The following MUC5AC variants were observed in gnomAD, a reference collection of about 807,000 sequenced individuals.
The protein encoded by MUC5AC is mucin-5AC.
A neutral mutation model predicts 169.7 loss-of-function variants in MUC5AC; 158 were observed. The observed-to-expected ratio is 0.93, with a 90% CI of 0.82 to 1.06. The LOEUF (loss-of-function observed/expected upper bound fraction) is 1.06. Ranked by LOEUF, MUC5AC falls within the 50% of genes least tolerant of loss-of-function variation. MUC5AC has a pLI of 0.00. For synonymous variants in MUC5AC, 1,975 were observed against 1,237.0 expected (o/e 1.60, Z -12.52); for missense variants, 4,359 against 3,089.9 (o/e 1.41, Z -9.74).
At chr11:1,179,290 G>T in intron 26 of MUC5AC, 42 bp downstream of exon 26, 1 of 514,446 alleles carries the variant, frequency 1.9e-6, no homozygotes, top group Non-Finnish European at 3.5e-6. Flanking sequence ...GGAAGCGCCG[G>T]CAGCGTGTGC....
chr11:1,177,879 C>T (rs1444822601), intron 24 of MUC5AC, among the ~76,000 whole-genome samples: 1 of 152,190 alleles, frequency 6.6e-6, no homozygotes, highest in African/African-American at 2.4e-5. Context: ...GCAGCCTGGA[C>T]ACTGGAAGTC....
chr11:1,162,196 G>T lies in MUC5AC; in HGVS notation c.473+28G>T, dbSNP rs963413943. On this transcript the variant is annotated intron_variant, in intron 4 of 48. Coordinates refer to ENST00000621226, the MANE Select transcript of MUC5AC (RefSeq NM_001304359.2). ...GAGTCTGGGTTCTGGGATGGTGGGG[G>T]CCACGCGGCGTGTGGGGTGGCATTT... 3 of 1,599,942 alleles carry T rather than the reference G, an allele frequency of 1.9e-6. No homozygotes were observed. In the African/African-American group the frequency reaches 4.0e-5, roughly 21 times the overall value.
In MUC5AC at chr11:1,167,932, C is replaced by T. The variant is rs1335210491; in HGVS notation, c.1442C>T (p.Thr481Met). 1.6e-5 allele frequency: 25 copies of T among 1,550,652 alleles called. No homozygotes were observed. The highest frequency in any genetic ancestry group is 9.8e-5 in the Admixed American group (5 of 51,024). Reference sequence around the variant, plus strand: ...GCTGAGCTGCGCAGGTGCGGGCTGACGGACAGCGAGACCTGCCTGAAGAGC... The same window carrying T: ...GCTGAGCTGCGCAGGTGCGGGCTGATGGACAGCGAGACCTGCCTGAAGAGC... ...VLAELRRCGL[T>M]DSETCLKSVT... The change falls in exon 12 of 49, where the codon ACG (threonine) becomes ATG (methionine). Residue 481 changes from threonine to methionine, a missense_variant. By Grantham distance (81) the Thr-to-Met change is moderately conservative. Transcript: ENST00000621226.
rs1335681264 is a variant in MUC5AC, at chr11:1,172,301, G to C, written c.1871-128G>C. On this transcript the variant is annotated intron_variant, in intron 15 of 48. Transcript: ENST00000621226. Reference sequence around the variant, plus strand: ...CACCACCCAGGCTGAGTGTGTAGCAGGATGAAGGGCCCAACATCAGACTGC... The same window carrying C: ...CACCACCCAGGCTGAGTGTGTAGCACGATGAAGGGCCCAACATCAGACTGC... 7.5e-6 allele frequency: 3 copies of C among 397,914 alleles called. No individual in the cohort carries two copies. In the East Asian group the frequency reaches 1.1e-4, roughly 14 times the overall value. The allele number at this position is 397,914 out of a possible 1,614,324, so 24.6% of individuals were successfully genotyped here. A position where few individuals can be genotyped will look rare whatever the true frequency, so the allele number is the denominator to read the frequency against.
At chr11:1,164,027 G>A (rs1342294348) in intron 7 of MUC5AC, 36 bp downstream of exon 7, 2 of 1,608,956 alleles carry the variant, frequency 1.2e-6, no homozygotes, top group Admixed American at 1.7e-5. Context: ...CCAGCAGGTT[G>A]AGCAGGAGGG....
Position 1,186,421 on chromosome 11 carries a change from C to CCA in MUC5AC, c.8277_8278insAC (p.Ser2760ThrfsTer43). 1 of 702,398 alleles carries CCA rather than the reference C, an allele frequency of 1.4e-6. No individual in the cohort carries two copies. Among genetic ancestry groups the CCA allele is most frequent in the South Asian group, 1.5e-5 (1 of 67,448 alleles). 43.5% of individuals were successfully genotyped at this position (702,398 alleles called of 1,614,324 possible). A position where few individuals can be genotyped will look rare whatever the true frequency, so the allele number is the denominator to read the frequency against. On this transcript the variant is annotated frameshift_variant, in exon 31 of 49. Transcript: ENST00000621226. LOFTEE classifies it high-confidence loss of function. ...GCCCCTACAACCAGCACAATCTCTG[C>CCA]CTCTACCACCAGCACAACCTCTGCG...
rs766198221 is a variant in MUC5AC at position 1,191,991 on chromosome 11, A to G, written c.13846A>G (p.Lys4616Glu). 8 of 765,032 alleles carry G rather than the reference A, an allele frequency of 1.0e-5. No individual in the cohort carries two copies. The highest frequency in any genetic ancestry group is 6.7e-5 in the South Asian group (5 of 74,624). The allele number at this position is 765,032 out of a possible 1,614,324, so 47.4% of individuals were successfully genotyped here. A position where few individuals can be genotyped will look rare whatever the true frequency, so the allele number is the denominator to read the frequency against. ...CAGCACAAGCCATCTTTCTGTATCC[A>G]AGACAACCCACTCCCAACCAGTCAC... ...KTSTSHLSVS[K>E]TTHSQPVTSD... The change falls in exon 31 of 49, where the codon AAG becomes GAG. Residue 4616 changes from lysine to glutamate, a missense_variant. Physicochemically the swap from Lys to Glu is moderately conservative, Grantham distance 56. Transcript: ENST00000621226.
rs988825118 is a variant in MUC5AC at position 1,178,504 on chromosome 11, C to T, written c.3148C>T (p.Arg1050Trp). The T allele has an allele frequency of 2.6e-5, 31 of 1,177,854 alleles. No homozygotes were observed. The highest frequency in any genetic ancestry group is 1.6e-4 in the South Asian group (7 of 44,050). The allele number at this position is 1,177,854 out of a possible 1,614,324, so 73.0% of individuals were successfully genotyped here. The change falls in exon 25 of 49, where the codon CGG becomes TGG. Residue 1050 changes from arginine (R) to tryptophan (W), a missense_variant. By Grantham distance (101) the Arg-to-Trp change is moderately radical. Coordinates refer to ENST00000621226, the MANE Select transcript of MUC5AC (RefSeq NM_001304359.2). Reference protein sequence around the residue: ...DDIAVNDFATRSRSVVGDVLE... With the variant: ...DDIAVNDFATWSRSVVGDVLE... ...CATCGCCGTTAATGACTTTGCCACG[C>T]GGAGCCGGTCTGTGGTGGGGGACGT...
At chr11:1,175,172 G>A (rs1191547269) in intron 18 of MUC5AC, 35 bp downstream of exon 18, 11 of 398,404 alleles carry the variant, frequency 2.8e-5, no homozygotes, top group East Asian at 7.1e-5. Context: ...GGGGTCCCTC[G>A]TGTCTCCTGG....
In MUC5AC at chr11:1,196,665, G is replaced by A. The variant is rs966849436; in HGVS notation, c.15774G>A (p.Glu5258=). 1 of 762,602 alleles carries A rather than the reference G, an allele frequency of 1.3e-6. No homozygotes were observed. The highest frequency in any genetic ancestry group is 1.7e-5 in the African/African-American group (1 of 59,084). 47.2% of individuals were successfully genotyped at this position (762,602 alleles called of 1,614,324 possible). Residue 5258 remains glutamate, a synonymous_variant, in exon 39 of 49, where the codon GAG becomes GAA. Coordinates refer to ENST00000621226, the MANE Select transcript of MUC5AC (RefSeq NM_001304359.2). The part of the protein sequence containing the change: ...GPITEGCFCP[E]GMTLFSTSAQ... ...TCACCGAAGGCTGCTTCTGTCCGGA[G>A]GGCATGACCCTCTTCAGCACCAGTG...
At chr11:1,193,702 C>T in intron 33 of MUC5AC, 43 bp downstream of exon 33, 4 of 752,384 alleles carry the variant, frequency 5.3e-6, no homozygotes, top group Non-Finnish European at 9.8e-6. Flanking sequence ...CCGGGGCAGC[C>T]ACTCCCCACC....
chr11:1,190,838 C>G lies in MUC5AC; in HGVS notation c.12693C>G (p.Thr4231=). The change falls in exon 31 of 49, where the codon ACC becomes ACG. Residue 4231 remains threonine (T), a synonymous_variant. Coordinates refer to ENST00000621226, the MANE Select transcript of MUC5AC (RefSeq NM_001304359.2). ...SGTTPSPVPT[T]STTSASTTST... Reference sequence around the variant, plus strand: ...CTACTCCAAGCCCTGTTCCCACCACCAGCACAACCTCTGCCTCTACAACCA... The same window carrying G: ...CTACTCCAAGCCCTGTTCCCACCACGAGCACAACCTCTGCCTCTACAACCA... The G allele has an allele frequency of 1.3e-6, 1 of 742,134 alleles. No homozygotes were observed. The highest frequency in any genetic ancestry group is 2.5e-6 in the Non-Finnish European group (1 of 406,534). The allele number at this position is 742,134 out of a possible 1,614,324, so 46.0% of individuals were successfully genotyped here.
At position 1,199,203 on chromosome 11, in the gene MUC5AC, C is replaced by G. The variant is rs771738927; in HGVS notation, c.16395+18C>G. ...TCTTCTACGTGAGTAGTGGCTGCCACAAAGAGGAAGGGCAGGGTCTGGGAG... is the reference window on the plus strand; with the variant it reads ...TCTTCTACGTGAGTAGTGGCTGCCAGAAAGAGGAAGGGCAGGGTCTGGGAG... On this transcript the variant is annotated intron_variant, in intron 45 of 48. Transcript: ENST00000621226. 3 of 756,036 alleles carry G rather than the reference C, an allele frequency of 4.0e-6. No homozygotes were observed. In the East Asian group the frequency reaches 7.3e-5, roughly 19 times the overall value. The allele number at this position is 756,036 out of a possible 1,614,324, so 46.8% of individuals were successfully genotyped here. A position where few individuals can be genotyped will look rare whatever the true frequency, so the allele number is the denominator to read the frequency against.
chr11:1,160,462 C>G, intron 1 of MUC5AC, 150 bp from the exon 2 acceptor site: 1 of 656,002 alleles, frequency 1.5e-6, no homozygotes. Flanking sequence ...TAGGACCCCC[C>G]CAACCCAGCA....
At chr11:1,195,411 C>T in intron 36 of MUC5AC, 132 bp downstream of exon 36, 1 of 509,260 alleles carries the variant, frequency 2.0e-6, no homozygotes, top group Non-Finnish European at 3.7e-6. Context: ...TACCACAGAC[C>T]AAGGAGGGGT....
intron 33 of MUC5AC, 27 bp downstream of exon 33, chr11:1,193,686 G>C (rs2133771679): frequency 1.3e-6 from 1 of 755,122 alleles, no homozygotes; most frequent in East Asian, 2.4e-5. Flanking sequence ...GCGGGACCCA[G>C]GGCAGCCGGG....
rs756678852 is a variant in MUC5AC at position 1,191,758 on chromosome 11, C to G, written c.13613C>G (p.Thr4538Ser). 2 of 757,230 alleles carry G rather than the reference C, an allele frequency of 2.6e-6. No individual in the cohort carries two copies. Among genetic ancestry groups the G allele is most frequent in the Non-Finnish European group, 4.8e-6 (2 of 414,022 alleles). The allele number at this position is 757,230 out of a possible 1,614,324, so 46.9% of individuals were successfully genotyped here. The part of the protein sequence containing the change: ...STTSASTAST[T>S]SGPGTSLSPV... Reference sequence around the variant, plus strand: ...ACCTCTGCCTCTACAGCCAGCACAACCTCTGGTCCTGGAACTTCTCTCAGC... The same window carrying G: ...ACCTCTGCCTCTACAGCCAGCACAAGCTCTGGTCCTGGAACTTCTCTCAGC... Residue 4538 changes from threonine to serine, a missense_variant, in exon 31 of 49, where the codon ACC (threonine) becomes AGC (serine). Transcript: ENST00000621226.
At position 1,162,647 on chromosome 11, in the gene MUC5AC, G is replaced by C. The variant is rs994936345; in HGVS notation, c.588+1G>C. 5 of 1,611,734 alleles carry C rather than the reference G, an allele frequency of 3.1e-6. No individual in the cohort carries two copies. The highest frequency in any genetic ancestry group is 1.3e-5 in the African/African-American group (1 of 75,008). ...GTGGAACCACGATGACAGCCTGCTG[G>C]TGAGGCTGGGTGGGGGTGTCCCGGT... On this transcript the variant is annotated splice_donor_variant, in intron 5 of 48. Transcript: ENST00000621226. LOFTEE classifies it high-confidence loss of function.
intron 16 of MUC5AC, among the ~76,000 whole-genome samples, chr11:1,173,222 G>A (rs1860591116): frequency 7.0e-6 from 1 of 142,530 alleles, no homozygotes; most frequent in Non-Finnish European, 1.5e-5. Flanking sequence ...ACTCATTCAC[G>A]AATTTCTTCA....
Sources: gnomAD v4.1 joint callset for allele counts (sites outside exome capture counted in the v4.1 genomes callset) on GRCh38, gnomAD v4.1.1 for gene constraint, MANE v1.5 for transcripts, NCBI Gene and HGNC (gene_info 2026-07-23, HGNC 2026-07-21) for gene names.